GRID2: variants seen among roughly 807,000 people sequenced by gnomAD.
GRID2 encodes the protein glutamate receptor ionotropic, delta-2.
In GRID2, 33 loss-of-function variants were observed where a neutral mutation model predicts 114.8. The ratio of observed to expected loss-of-function variants is 0.29; its 90% CI spans 0.22 to 0.38. The LOEUF is 0.38. Among genes scored for constraint, GRID2 ranks in the 10% least tolerant of loss-of-function variants. GRID2 has a pLI of 1.00. For missense variants in GRID2, 1,184 were observed against 1,257.7 expected (o/e 0.94, Z 0.89); for synonymous variants, 505 against 449.9 (o/e 1.12, Z -1.55).
chr4:92,646,365 T>C (rs1731624125), intron 2 of GRID2, among the ~76,000 whole-genome samples: 2 of 152,356 alleles, frequency 1.3e-5, no homozygotes, highest in East Asian at 1.9e-4. Flanking sequence ...AGTTTGTGTA[T>C]TGTCAAATAT....
exon 2 of GRID2, chr4:93,807,379 G>A (rs75531291): frequency 6.6e-6 from 1 of 152,180 alleles, no homozygotes; most frequent in African/African-American, 2.4e-5. Context: ...GGTAACTGTG[G>A]TTAAACATCT....
chr4:93,080,925 A>C (rs912176530), intron 2 of GRID2, among the ~76,000 whole-genome samples: 14 of 152,288 alleles, frequency 9.2e-5, no homozygotes, highest in African/African-American at 2.6e-4. Context: ...GGGCAAAGAG[A>C]GGGCAAGAGA....
chr4:92,526,829 A>C (rs891472977), intron 1 of GRID2, among the ~76,000 whole-genome samples: 8 of 152,068 alleles, frequency 5.3e-5, no homozygotes, highest in Non-Finnish European at 1.5e-5. Flanking sequence ...AGGAAATGTG[A>C]AATATATTCA....
At chr4:93,067,145 A>G (rs1728364825) in intron 2 of GRID2, among the ~76,000 whole-genome samples, 1 of 152,042 alleles carries the variant, frequency 6.6e-6, no homozygotes, top group South Asian at 2.1e-4. Context: ...GAATTATGAC[A>G]AGCCTTTCTC....
intron 1 of GRID2, among the ~76,000 whole-genome samples, chr4:93,787,044 T>G (rs188330547): frequency 6.6e-6 from 1 of 151,854 alleles, no homozygotes; most frequent in East Asian, 1.9e-4. Context: ...ATCTAATAGA[T>G]TCAGAACCCA....
At chr4:92,558,625 C>T (rs1367480624) in intron 1 of GRID2, among the ~76,000 whole-genome samples, 1 of 152,054 alleles carries the variant, frequency 6.6e-6, no homozygotes, top group Non-Finnish European at 1.5e-5. Context: ...TTCCTCCTAC[C>T]TCTAATCTCT....
intron 2 of GRID2, among the ~76,000 whole-genome samples, chr4:92,911,342 C>G (rs1748365046): frequency 1.3e-5 from 2 of 151,972 alleles, no homozygotes; most frequent in South Asian, 4.1e-4. Context: ...CTTACCTTTT[C>G]TTTGCGAAGA....
chr4:93,333,855 C>G (rs1758750378), intron 8 of GRID2, among the ~76,000 whole-genome samples: 1 of 142,646 alleles, frequency 7.0e-6, no homozygotes, highest in Non-Finnish European at 1.5e-5. Context: ...GTATTTAAGT[C>G]TTATACAAGG....
At chr4:92,993,406 CCT>C (rs1755022431) in intron 2 of GRID2, among the ~76,000 whole-genome samples, 1 of 151,966 alleles carries the variant, frequency 6.6e-6, no homozygotes, top group African/African-American at 2.4e-5. Flanking sequence ...ACTTACCTCA[CCT>C]CTGTTTCTTA....
At chr4:93,018,732 C>A (rs961690959) in intron 2 of GRID2, among the ~76,000 whole-genome samples, 1 of 152,114 alleles carries the variant, frequency 6.6e-6, no homozygotes, top group African/African-American at 2.4e-5. Flanking sequence ...CAAATCCTTT[C>A]TTTGTTGGAT....
rs998228841 is a variant in GRID2, at chr4:93,090,777, T to C, written c.529+5498T>C. ...CATACAAAAGTTATAGTACTGGAAG[T>C]GGGCCTGGTTTGCCTGAGTTGGTGG... is the stretch of plus-strand genomic sequence containing the variant. On this transcript the variant is annotated intron_variant, in intron 3 of 15. Coordinates refer to ENST00000282020, the MANE Select transcript of GRID2 (RefSeq NM_001510.4). Among the ~76,000 whole-genome samples the C allele has an allele frequency of 2.0e-5, 3 of 152,216 alleles. No homozygotes were observed. In the South Asian group the frequency reaches 6.2e-4, roughly 32 times the overall value.
intron 1 of GRID2, among the ~76,000 whole-genome samples, chr4:92,391,050 C>A (rs1730217202): frequency 6.6e-6 from 1 of 152,078 alleles, no homozygotes; most frequent in Non-Finnish European, 1.5e-5. Context: ...TTACTAATAG[C>A]CAAAGAAGTA....
chr4:93,760,416 A>G (rs1053222334), intron 14 of GRID2, among the ~76,000 whole-genome samples: 2 of 152,202 alleles, frequency 1.3e-5, no homozygotes, highest in Non-Finnish European at 2.9e-5. Context: ...ACTTTATCAA[A>G]TTACCTTTTT....
At chr4:93,056,215 G>A (rs532412546) in intron 2 of GRID2, among the ~76,000 whole-genome samples, 2 of 152,032 alleles carry the variant, frequency 1.3e-5, no homozygotes, top group African/African-American at 4.8e-5. Context: ...ACATATGTTC[G>A]AGTTATAGAT....
chr4:92,704,723 T>TCTCTCTCTCTC (rs1734861937), intron 2 of GRID2, among the ~76,000 whole-genome samples: 2 of 90,086 alleles, frequency 2.2e-5, no homozygotes, highest in Admixed American at 1.2e-4. Flanking sequence ...CTCTCTCTCT[T>TCTCTCTCTCTC]TCTCTCTCTC....
intron 14 of GRID2, among the ~76,000 whole-genome samples, chr4:93,730,952 G>A (rs969872914): frequency 2.2e-4 from 33 of 152,300 alleles, no homozygotes; most frequent in Middle Eastern, 3.4e-3. Context: ...GTGCCGCGCT[G>A]GCTGCACACC....
chr4:93,277,406 A>G (rs1579517800), intron 8 of GRID2, among the ~76,000 whole-genome samples: 1 of 152,026 alleles, frequency 6.6e-6, no homozygotes, highest in East Asian at 1.9e-4. Context: ...CTTATTAAAG[A>G]TATTTCAATT....
At chr4:92,956,313 A>G (rs1406432456) in intron 2 of GRID2, among the ~76,000 whole-genome samples, 2 of 152,186 alleles carry the variant, frequency 1.3e-5, no homozygotes, top group African/African-American at 4.8e-5. Context: ...CACATTTTTA[A>G]TGACATATAT....
chr4:93,702,622 A>G (rs140014149), intron 14 of GRID2, among the ~76,000 whole-genome samples: 76 of 152,254 alleles, frequency 5.0e-4, no homozygotes, highest in African/African-American at 1.8e-3. Context: ...CACGGAATTT[A>G]TGGCACACCT....
Sources: allele counts gnomAD v4.1 joint callset (sites outside exome capture counted in the v4.1 genomes callset), GRCh38; gene constraint gnomAD v4.1.1; transcripts MANE v1.5; gene names NCBI Gene and HGNC (gene_info 2026-07-23, HGNC 2026-07-21).